SPTBN2: variants seen among roughly 807,000 people sequenced by gnomAD.
SPTBN2 encodes spectrin beta, non-erythrocytic 2.
Under a neutral mutation model 284.2 loss-of-function variants are expected in SPTBN2, and 107 were observed. The ratio of observed to expected loss-of-function variants is 0.38; its 90% CI spans 0.32 to 0.44. The LOEUF (loss-of-function observed/expected upper bound fraction) is 0.44, where lower values mean the gene tolerates loss of function less well. Ranked by LOEUF, SPTBN2 falls within the 20% of genes least tolerant of loss-of-function variation. The pLI, the probability that SPTBN2 is intolerant of heterozygous loss-of-function variation, is 1.00. For synonymous variants in SPTBN2, 1,289 were observed against 1,354.8 expected, an observed-to-expected ratio of 0.95 and a Z score of 1.07; for missense variants, 2,569 against 3,287.1, an observed-to-expected ratio of 0.78 and a Z score of 5.34.
In SPTBN2 at chr11:66,703,662, G is replaced by A. The variant is rs144475707; in HGVS notation, c.2678+936C>T. Among the ~76,000 whole-genome samples, 1,353 of 151,954 alleles carry A rather than the reference G, an allele frequency of 8.9e-3. 23 individuals carry two copies. The highest frequency in any genetic ancestry group is 0.03 in the African/African-American group (1,254 of 41,470). Reference sequence around the variant, plus strand: ...TGAGGCAGGAGAATCGCTGGAACCCGGGAGGCAGAGCATGCAGTGAGCCGA... The same window carrying A: ...TGAGGCAGGAGAATCGCTGGAACCCAGGAGGCAGAGCATGCAGTGAGCCGA... On this transcript the variant is annotated intron_variant, in intron 15 of 37. Transcript: ENST00000533211.
rs1941093856 is a variant in SPTBN2, at chr11:66,699,013, A to G, written c.3846T>C (p.His1282=). The G allele has an allele frequency of 6.2e-7, 1 of 1,614,176 alleles. No individual in the cohort carries two copies. The highest frequency in any genetic ancestry group is 8.5e-7 in the Non-Finnish European group (1 of 1,180,040). ...TCACCTCGTGACAATCTTGCAGGAA[A>G]TGCTGCTGCTCCCGGTTGTCCCGAA... ...GRLRDNREQQ[H]FLQDCHELKL... Residue 1282 remains histidine (H), a synonymous_variant, in exon 19 of 38, where the codon CAT becomes CAC. Transcript: ENST00000533211.
At chr11:66,709,487 C>A (rs1220861306) in intron 10 of SPTBN2, among the ~76,000 whole-genome samples, 1 of 152,192 alleles carries the variant, frequency 6.6e-6, no homozygotes, top group African/African-American at 2.4e-5. Flanking sequence ...CAAAATAATT[C>A]TTTTATAACC....
Position 66,694,152 on chromosome 11 carries a change from A to C in SPTBN2, c.4490T>G (p.Val1497Gly). ...CCAGTGACTCACAATCTCATCTTCC[A>C]CATCGCGGTGGAACTGGTGCTGCTC... Reference protein sequence around the residue: ...SREQHQFHRDVEDEILWVTER... With the variant: ...SREQHQFHRDGEDEILWVTER... Residue 1497 changes from valine (V) to glycine (G), a missense_variant, in exon 22 of 38, where the codon GTG becomes GGG. Coordinates refer to ENST00000533211, the MANE Select transcript of SPTBN2 (RefSeq NM_006946.4). The C allele has an allele frequency of 6.2e-7, 1 of 1,607,848 alleles. No homozygotes were observed. Among genetic ancestry groups the C allele is most frequent in the Non-Finnish European group, 8.5e-7 (1 of 1,180,002 alleles).
rs766659287 is a variant in SPTBN2, at chr11:66,708,871, G to A, written c.1191+31C>T. 2 of 1,587,816 alleles carry A rather than the reference G, an allele frequency of 1.3e-6. No homozygotes were observed. Among genetic ancestry groups the A allele is most frequent in the South Asian group, 2.2e-5 (2 of 90,588 alleles). On this transcript the variant is annotated intron_variant, in intron 11 of 37. Transcript: ENST00000533211. This position sits in a 1 kb window ranked among gnomAD's most constrained non-coding sequence, Gnocchi z 4.4. ...AGGCATCTGGGCCAGGGCCTGCCCT[G>A]AGGGTGGGTGGCCTGTGGGCAGCCA...
chr11:66,701,857 T>TAGGCTGAGAGG, intron 15 of SPTBN2, 136 bp from the exon 16 acceptor site: 1 of 1,258,080 alleles, frequency 7.9e-7, no homozygotes, highest in Non-Finnish European at 1.1e-6. Flanking sequence ...TCTCTGCCTC[T>TAGGCTGAGAGG]CAGCCTATGA....
intron 8 of SPTBN2, chr11:66,712,845 G>A (rs1291086620): frequency 3.9e-5 from 6 of 152,934 alleles, no homozygotes; most frequent in Admixed American, 3.9e-4. Context: ...GTCCTCCTTA[G>A]GTAACCTGCT....
chr11:66,721,299 GACC>G, intron 2 of SPTBN2, 37 bp from the exon 3 acceptor site: 1 of 1,609,086 alleles, frequency 6.2e-7, no homozygotes, highest in Non-Finnish European at 8.5e-7. Context: ...GGTGTCCAGG[GACC>G]ACCAAGCCCT....
rs532885816 is a variant in SPTBN2 at position 66,723,488 on chromosome 11, A to C, written c.-113-2048T>G. ...CTGGCTTCCATCATTAACTGATTCC[A>C]TGAAGCTGAACCTGACCTACTTGAA... On this transcript the variant is annotated intron_variant, in intron 1 of 37. Coordinates refer to ENST00000533211, the MANE Select transcript of SPTBN2 (RefSeq NM_006946.4). Among the ~76,000 whole-genome samples the C allele has an allele frequency of 5.9e-5, 9 of 152,230 alleles. No individual in the cohort carries two copies. The South Asian group carries it at 1.9e-3, about 32-fold the overall frequency.
In SPTBN2 at chr11:66,724,408, G is replaced by A. The variant is rs560030740; in HGVS notation, c.-113-2968C>T. 3.3e-5 allele frequency among the ~76,000 whole-genome samples: 5 copies of A among 151,926 alleles called. No homozygotes were observed. The South Asian group carries it at 1.0e-3, about 32-fold the overall frequency. ...ATTGCACTCCAGCCTGGATGACAGA[G>A]TGAAATTTGTCTCAGAAAAAAAAAA... On this transcript the variant is annotated intron_variant, in intron 1 of 37. Transcript: ENST00000533211.
chr11:66,743,080 T>G (rs1310318218), intron 1 of SPTBN2, among the ~76,000 whole-genome samples: 1 of 127,912 alleles, frequency 7.8e-6, no homozygotes, highest in Non-Finnish European at 1.6e-5. Context: ...CCCTTCCCCT[T>G]GGCAACTCCT....
intron 36 of SPTBN2, 48 bp downstream of exon 36, chr11:66,686,946 C>G (rs764439770): frequency 4.3e-6 from 7 of 1,611,156 alleles, no homozygotes; most frequent in Middle Eastern, 3.3e-4. Flanking sequence ...TCACCTGTGT[C>G]ACTCCCAACT....
In SPTBN2 at chr11:66,684,929, G is replaced by C. The variant is rs149557545; in HGVS notation, c.*942C>G. Among the ~76,000 whole-genome samples, 1 of 152,314 alleles carries C rather than the reference G, an allele frequency of 6.6e-6. No individual in the cohort carries two copies. Among genetic ancestry groups the C allele is most frequent in the East Asian group, 1.9e-4 (1 of 5,180 alleles). The stretch of plus-strand genomic sequence containing the variant: ...AGTCTTCCAATTTGAAAACAGTTTA[G>C]AGATCACAAGTGAAGAAAATTGTGC... On this transcript the variant is annotated 3_prime_UTR_variant, in exon 38 of 38. Transcript: ENST00000533211.
At chr11:66,698,860 A>G in intron 19 of SPTBN2, 75 bp from the exon 20 acceptor site, 1 of 1,605,962 alleles carries the variant, frequency 6.2e-7, no homozygotes, top group Non-Finnish European at 8.5e-7. Context: ...ACAGTGAGCC[A>G]GGAGAAGTGG....
In SPTBN2 at chr11:66,694,069, G is replaced by A. The variant is rs563483812; in HGVS notation, c.4503+70C>T. 4 of 1,560,374 alleles carry A rather than the reference G, an allele frequency of 2.6e-6. No homozygotes were observed. In the South Asian group the frequency reaches 4.4e-5, roughly 17 times the overall value. On this transcript the variant is annotated intron_variant, in intron 22 of 37. Transcript: ENST00000533211. Reference sequence around the variant, plus strand: ...ATAGAGCCCTGCTGGCATCTCCCTGGCATCCAGGAGGGAGGCTGGAGAACC... The same window carrying A: ...ATAGAGCCCTGCTGGCATCTCCCTGACATCCAGGAGGGAGGCTGGAGAACC...
chr11:66,717,661 G>A (rs1942209261), intron 3 of SPTBN2, among the ~76,000 whole-genome samples: 1 of 152,174 alleles, frequency 6.6e-6, no homozygotes, highest in Non-Finnish European at 1.5e-5. Context: ...GGCCATTGCT[G>A]GATCCAGGGG....
Position 66,691,127 on chromosome 11 carries a change from G to A in SPTBN2, c.5565+157C>T, listed in dbSNP as rs1261503737. Among the ~76,000 whole-genome samples the A allele has an allele frequency of 6.6e-6, 1 of 152,140 alleles. No homozygotes were observed. Among genetic ancestry groups the A allele is most frequent in the Non-Finnish European group, 1.5e-5 (1 of 68,020 alleles). ...CCACCGCGCCTGGCCAAACAGAGAT[G>A]TTTTCTTGGAGCAATTTCCTCATCT... On this transcript the variant is annotated intron_variant, in intron 27 of 37. Transcript: ENST00000533211. This position sits in a 1 kb window ranked among gnomAD's most constrained non-coding sequence, Gnocchi z 8.0.
Position 66,701,082 on chromosome 11 carries a change from C to T in SPTBN2, c.3017G>A (p.Arg1006Gln), listed in dbSNP as rs376827915. 1.4e-5 allele frequency: 23 copies of T among 1,611,972 alleles called. No individual in the cohort carries two copies. Among genetic ancestry groups the T allele is most frequent in the East Asian group, 2.2e-5 (1 of 44,896 alleles). The change falls in exon 17 of 38, where the codon CGG (arginine) becomes CAG (glutamine). Residue 1006 changes from arginine to glutamine, a missense_variant. Arg to Gln is a conservative substitution (Grantham distance 43). This residue lies in a region of SPTBN2 where 1,012 missense variants were observed against 1,248.9 expected (regional missense o/e 0.81). Transcript: ENST00000533211. ...ALQRKLAGTE[R>Q]DLEAIAARVG... ...CCGGGCGGCGATGGCCTCCAGGTCC[C>T]GCTCCGTGCCGGCCAGCTTGCGCTG...
Position 66,693,012 on chromosome 11 carries a change from G to A in SPTBN2, c.4943C>T (p.Ala1648Val), listed in dbSNP as rs145844240. The stretch of plus-strand genomic sequence containing the variant: ...GTCAATCATGTCCTGGCTGCTGGCC[G>A]CCAGCTGGTGGATGGTCTGCGCGTA... ...ADYAQTIHQL[A>V]ASSQDMIDHE... Residue 1648 changes from alanine (A) to valine (V), a missense_variant, in exon 25 of 38, where the codon GCG becomes GTG. Transcript: ENST00000533211. The surrounding 1 kb of genome is among the most constrained non-coding windows in gnomAD (Gnocchi z 5.7). The A allele has an allele frequency of 1.4e-5, 23 of 1,610,942 alleles. No individual in the cohort carries two copies. The highest frequency in any genetic ancestry group is 5.5e-5 in the South Asian group (5 of 91,078).
In SPTBN2 at chr11:66,705,454, C is replaced by T. The variant is rs759345817; in HGVS notation, c.1822G>A (p.Asp608Asn). ...ACCCGCTCCGACACCAGCTGCGGGT[C>T]GCAAGGTCTATACTCTGAGAAAGTC... is the stretch of plus-strand genomic sequence containing the variant. ...CNPGKEYRPC[D>N]PQLVSERVAK... The change falls in exon 15 of 38, where the codon GAC becomes AAC. Residue 608 changes from aspartate to asparagine, a missense_variant. By Grantham distance (23) the Asp-to-Asn change is conservative. Around this residue, in one of 6 missense-constraint regions of SPTBN2, gnomAD observed 1,012 missense variants for 1,248.9 expected, o/e 0.81. Transcript: ENST00000533211. 2.5e-6 allele frequency: 4 copies of T among 1,612,924 alleles called. No individual in the cohort carries two copies. Among genetic ancestry groups the T allele is most frequent in the East Asian group, 2.2e-5 (1 of 44,890 alleles).
Sources: gnomAD v4.1 joint callset for allele counts (sites outside exome capture counted in the v4.1 genomes callset) on GRCh38, gnomAD v4.1.1 for gene constraint, gnomAD v4.1.1 regional missense constraint, Gnocchi (gnomAD v3.1) non-coding constraint, MANE v1.5 for transcripts, NCBI Gene and HGNC (gene_info 2026-07-23, HGNC 2026-07-21) for gene names.